ARHGEF10: variants seen among roughly 807,000 people sequenced by gnomAD.
ARHGEF10 encodes the protein Rho guanine nucleotide exchange factor 10.
ARHGEF10 carries 140 observed loss-of-function variants against 147.4 expected under a neutral mutation model. That is an observed-to-expected ratio of 0.95 (90% CI 0.83 to 1.09). ARHGEF10 has a LOEUF of 1.09. Among genes scored for constraint, ARHGEF10 ranks in the 50% least tolerant of loss-of-function variants. The probability of loss-of-function intolerance (pLI) is 0.00; values close to 1 mark genes in which losing one functional copy is unlikely to be tolerated. For missense variants in ARHGEF10, 2,222 were observed against 1,752.7 expected, an observed-to-expected ratio of 1.27 and a Z score of -4.78; for synonymous variants, 902 against 695.8, an observed-to-expected ratio of 1.30 and a Z score of -4.67.
intron 6 of ARHGEF10, among the ~76,000 whole-genome samples, chr8:1,868,934 G>C (rs949609892): frequency 6.6e-6 from 1 of 152,112 alleles, no homozygotes; most frequent in Non-Finnish European, 1.5e-5. Flanking sequence ...CATTTAAAGA[G>C]ACATCCTTCA....
intron 6 of ARHGEF10, among the ~76,000 whole-genome samples, chr8:1,867,038 A>G (rs997351351): frequency 1.4e-5 from 2 of 139,028 alleles, no homozygotes; most frequent in African/African-American, 5.4e-5. Context: ...TTTTTGTCCC[A>G]TACACACTTT....
chr8:1,941,608 A>G (rs1006608770), intron 26 of ARHGEF10, among the ~76,000 whole-genome samples: 3 of 152,232 alleles, frequency 2.0e-5, no homozygotes, highest in South Asian at 4.1e-4. Context: ...AAACTTGACA[A>G]GCACATCCTG....
intron 1 of ARHGEF10, among the ~76,000 whole-genome samples, chr8:1,835,636 T>G (rs1198624558): frequency 6.6e-6 from 1 of 152,212 alleles, no homozygotes; most frequent in Non-Finnish European, 1.5e-5. Context: ...ACCCTGCTGC[T>G]GGATGGGCTC....
At chr8:1,829,031 G>A (rs913968043) in intron 1 of ARHGEF10, among the ~76,000 whole-genome samples, 4 of 152,238 alleles carry the variant, frequency 2.6e-5, no homozygotes, top group African/African-American at 7.2e-5. Context: ...GGACACGGAC[G>A]GGGAGTCCTC....
At chr8:1,882,877 T>A in intron 10 of ARHGEF10, 128 bp downstream of exon 10, 1 of 853,382 alleles carries the variant, frequency 1.2e-6, no homozygotes, top group South Asian at 1.5e-5. Context: ...ACCAGCCTGC[T>A]CAGTGCTTGG....
At chr8:1,926,234 C>T in intron 22 of ARHGEF10, 143 bp from the exon 23 acceptor site, 1 of 742,692 alleles carries the variant, frequency 1.3e-6, no homozygotes, top group Non-Finnish European at 2.4e-6. Context: ...TTTCATCCTC[C>T]CTATTTTAAT....
At chr8:1,850,340 A>G (rs1270572862) in intron 2 of ARHGEF10, among the ~76,000 whole-genome samples, 1 of 146,030 alleles carries the variant, frequency 6.8e-6, no homozygotes, top group African/African-American at 2.6e-5. Flanking sequence ...CCGTGTGGAC[A>G]GACGGCAAAT....
chr8:1,892,303 G>GTGTGTT (rs1233987030), intron 11 of ARHGEF10, among the ~76,000 whole-genome samples: 1 of 150,818 alleles, frequency 6.6e-6, no homozygotes, highest in Non-Finnish European at 1.5e-5. Flanking sequence ...GTGTGTGTGT[G>GTGTGTT]TGTGTGTGTG....
At chr8:1,949,223 C>G (rs978571190) in intron 27 of ARHGEF10, among the ~76,000 whole-genome samples, 1 of 152,200 alleles carries the variant, frequency 6.6e-6, no homozygotes, top group African/African-American at 2.4e-5. Context: ...TCCTCAGGGT[C>G]TCAGCACGCT....
At chr8:1,861,548 A>G (rs1806133346) in intron 4 of ARHGEF10, among the ~76,000 whole-genome samples, 1 of 152,232 alleles carries the variant, frequency 6.6e-6, no homozygotes, top group African/African-American at 2.4e-5. Context: ...ATGGAAGCCC[A>G]CAGCCTCTAC....
At chr8:1,896,534 C>G in intron 14 of ARHGEF10, 85 bp downstream of exon 14, 1 of 972,336 alleles carries the variant, frequency 1.0e-6, no homozygotes, top group South Asian at 1.3e-5. Context: ...TGCAGTTATT[C>G]GTTATTAAGA....
At chr8:1,945,876 G>GAGCCGCGTGCTGGGAGC in intron 27 of ARHGEF10, 1 of 773,424 alleles carries the variant, frequency 1.3e-6, no homozygotes, top group African/African-American at 1.7e-5. Flanking sequence ...GGTCCTGAAG[G>GAGCCGCGTGCTGGGAGC]AGCCGCGTGC....
intron 26 of ARHGEF10, among the ~76,000 whole-genome samples, chr8:1,935,086 C>A (rs548984576): frequency 6.6e-6 from 1 of 152,304 alleles, no homozygotes; most frequent in South Asian, 2.1e-4. Flanking sequence ...TAGCAACTAA[C>A]ATTGCCTATT....
chr8:1,824,670 C>G (rs1236093655), intron 1 of ARHGEF10, among the ~76,000 whole-genome samples: 1 of 122,448 alleles, frequency 8.2e-6, no homozygotes, highest in African/African-American at 3.2e-5. Flanking sequence ...CGCACCCCAC[C>G]TGTTTACCCT....
chr8:1,883,680 G>A (rs1808406043), intron 10 of ARHGEF10, among the ~76,000 whole-genome samples: 2 of 152,148 alleles, frequency 1.3e-5, no homozygotes, highest in Admixed American at 1.3e-4. Flanking sequence ...GAGACGGGCA[G>A]GTGCATTCTA....
In ARHGEF10 at chr8:1,858,215, A is replaced by G. The variant is rs118016818; in HGVS notation, c.193+100A>G. 0.039 allele frequency: 40,108 copies of G among 1,032,726 alleles called. 930 individuals carry two copies. Among genetic ancestry groups the G allele is most frequent in the Non-Finnish European group, 0.045 (33,657 of 740,724 alleles). The allele number at this position is 1,032,726 out of a possible 1,614,324, so 64.0% of individuals were successfully genotyped here. The stretch of plus-strand genomic sequence containing the variant: ...GAGTCACCAGGTGAGTTCCCAGGTG[A>G]GTCCCCAGGTGAGTCCCCAGGTGGG... On this transcript the variant is annotated intron_variant, in intron 3 of 28. Coordinates refer to ENST00000349830, the MANE Select transcript of ARHGEF10 (RefSeq NM_014629.4).
intron 2 of ARHGEF10, among the ~76,000 whole-genome samples, chr8:1,846,089 C>T (rs1260595309): frequency 3.9e-5 from 6 of 152,230 alleles, no homozygotes; most frequent in Non-Finnish European, 7.3e-5. Flanking sequence ...TGGAGCTCTC[C>T]ACAGTTCGCC....
At position 1,956,994 on chromosome 8, in the gene ARHGEF10, C is replaced by T. The variant is rs763747580; in HGVS notation, c.3766C>T (p.Leu1256=). 1 of 1,614,028 alleles carries T rather than the reference C, an allele frequency of 6.2e-7. No homozygotes were observed. Among genetic ancestry groups the T allele is most frequent in the Non-Finnish European group, 8.5e-7 (1 of 1,180,050 alleles). The part of the protein sequence containing the change: ...SLGSMTQKSD[L]SSSSGSLSLS... ...GGGATCGATGACTCAGAAAAGCGAC[C>T]TGTCCTCCTCATCTGGGTCCCTGAG... Residue 1256 remains leucine, a synonymous_variant, in exon 29 of 29, where the codon CTG becomes TTG. Coordinates refer to ENST00000349830, the MANE Select transcript of ARHGEF10 (RefSeq NM_014629.4).
intron 9 of ARHGEF10, 50 bp from the exon 10 acceptor site, chr8:1,882,585 C>T (rs767263950): frequency 3.5e-6 from 5 of 1,435,702 alleles, no homozygotes; most frequent in African/African-American, 1.4e-5. Context: ...ATGAAAGTCG[C>T]AGGTGGGTTC....
Sources: gnomAD v4.1 joint callset for allele counts (sites outside exome capture counted in the v4.1 genomes callset) on GRCh38, gnomAD v4.1.1 for gene constraint, MANE v1.5 for transcripts, NCBI Gene and HGNC (gene_info 2026-07-23, HGNC 2026-07-21) for gene names.